Variants in SEMA3A observed in about 807,000 individuals in gnomAD.
SEMA3A encodes semaphorin 3A.
In SEMA3A, 29 loss-of-function variants were observed where a neutral mutation model predicts 97.9. The ratio of observed to expected loss-of-function variants is 0.30; its 90% CI spans 0.22 to 0.40. The LOEUF (loss-of-function observed/expected upper bound fraction) is 0.40, where lower values mean the gene tolerates loss of function less well. Ranked by LOEUF, SEMA3A falls within the 10% of genes least tolerant of loss-of-function variation. The pLI is 1.00. For missense variants in SEMA3A, 763 were observed against 951.3 expected, an observed-to-expected ratio of 0.80 and a Z score of 2.60; for synonymous variants, 321 against 323.7, an observed-to-expected ratio of 0.99 and a Z score of 0.09.
At chr7:84,000,017 T>C (rs532047567) in intron 12 of SEMA3A, among the ~76,000 whole-genome samples, 1 of 152,262 alleles carries the variant, frequency 6.6e-6, no homozygotes, top group African/African-American at 2.4e-5. Context: ...CATTTTTTCA[T>C]CAATACTAAT....
intron 3 of SEMA3A, among the ~76,000 whole-genome samples, chr7:84,269,177 G>A (rs988832637): frequency 2.0e-5 from 3 of 151,906 alleles, no homozygotes; most frequent in Non-Finnish European, 4.4e-5. Flanking sequence ...GTATTGTTTA[G>A]TAATTTTCAT....
chr7:84,135,825 G>T (rs939243828), intron 1 of SEMA3A, among the ~76,000 whole-genome samples: 2 of 151,964 alleles, frequency 1.3e-5, no homozygotes, highest in African/African-American at 4.8e-5. Flanking sequence ...CTGAGATGAG[G>T]CTTTCATGAA....
rs1298770191 is a variant in SEMA3A, at chr7:83,960,181, G to A, written c.*1190C>T. On this transcript the variant is annotated 3_prime_UTR_variant, in exon 17 of 17. Transcript: ENST00000265362. ...ATTAAGTGACACAGATATAATTCTT[G>A]GTAGAATCATAAGAGAGATCTTAGT... 6.6e-6 allele frequency: 1 copy of A among 151,946 alleles called. No individual in the cohort carries two copies. The highest frequency in any genetic ancestry group is 2.4e-5 in the African/African-American group (1 of 41,404). 9.4% of individuals were successfully genotyped at this position (151,946 alleles called of 1,614,324 possible). A position where few individuals can be genotyped will look rare whatever the true frequency, so the allele number is the denominator to read the frequency against.
At chr7:84,410,033 T>C (rs1372651523) in intron 1 of SEMA3A, among the ~76,000 whole-genome samples, 1 of 152,072 alleles carries the variant, frequency 6.6e-6, no homozygotes, top group Non-Finnish European at 1.5e-5. Flanking sequence ...TAGCATTGGT[T>C]ATAGTATAAC....
chr7:84,069,895 G>C (rs1295800856), intron 4 of SEMA3A, among the ~76,000 whole-genome samples: 1 of 152,036 alleles, frequency 6.6e-6, no homozygotes, highest in Admixed American at 6.6e-5. Context: ...TATCATGAAC[G>C]AACAGTGTTA....
chr7:84,427,127 C>A (rs1259679624), intron 1 of SEMA3A, among the ~76,000 whole-genome samples: 1 of 151,924 alleles, frequency 6.6e-6, no homozygotes, highest in African/African-American at 2.4e-5. Flanking sequence ...AAATACCATC[C>A]CTTTTCTCTA....
intron 3 of SEMA3A, among the ~76,000 whole-genome samples, chr7:84,116,833 A>G (rs1795447871): frequency 6.6e-6 from 1 of 152,134 alleles, no homozygotes; most frequent in Admixed American, 6.5e-5. Context: ...TAGAACATAA[A>G]TTTCTGCTGT....
chr7:84,050,777 C>T (rs1792593948), intron 5 of SEMA3A, among the ~76,000 whole-genome samples: 7 of 152,058 alleles, frequency 4.6e-5, no homozygotes, highest in Admixed American at 4.6e-4. Context: ...GACATGAAGT[C>T]CTTGCCCATG....
Position 83,965,637 on chromosome 7 carries a change from TATATATATATATATATATATATATATATA to T in SEMA3A, c.1718-2319_1718-2291del, listed in dbSNP as rs1788644097. On this transcript the variant is annotated intron_variant, in intron 15 of 16. Transcript: ENST00000265362. ...TAACACCAATGGGTGCATATATATA[TATATATATATATATATATATATATATATA>T]TTTTTTTTTTTTTTTTTTTTTTTTT... is the stretch of plus-strand genomic sequence containing the variant. Among the ~76,000 whole-genome samples the T allele has an allele frequency of 7.4e-4, 5 of 6,780 alleles. No homozygotes were observed. The Admixed American group carries it at 7.6e-3, about 10-fold the overall frequency. The allele number at this position is 6,780 out of a possible 152,430, so 4.4% of individuals were successfully genotyped here.
intron 3 of SEMA3A, among the ~76,000 whole-genome samples, chr7:84,227,891 CTG>C (rs771319459): frequency 6.0e-5 from 9 of 149,210 alleles, no homozygotes; most frequent in East Asian, 2.0e-4. Flanking sequence ...ATGTAAGTCT[CTG>C]TGTGTGTGTG....
intron 3 of SEMA3A, among the ~76,000 whole-genome samples, chr7:84,250,263 T>G (rs1312565556): frequency 1.3e-5 from 2 of 152,102 alleles, no homozygotes; most frequent in Non-Finnish European, 2.9e-5. Flanking sequence ...TATTTTTTTT[T>G]TTCATCTGTG....
chr7:84,135,393 G>A (rs58297542), intron 1 of SEMA3A, among the ~76,000 whole-genome samples: 10,608 of 152,072 alleles, frequency 0.07, 446 homozygotes, highest in East Asian at 0.2. Flanking sequence ...TTACAGGTGT[G>A]AGCCAGTGTG....
In SEMA3A at chr7:83,957,250, A is replaced by G. The variant is rs956140770; in HGVS notation, c.*4121T>C. On this transcript the variant is annotated 3_prime_UTR_variant, in exon 17 of 17. Transcript: ENST00000265362. ...GAAAGACTTGCTGGATTAGATGATG[A>G]TAAGTCATCTCGCTCTGTTTCCTTA... is the stretch of plus-strand genomic sequence containing the variant. 1 of 149,614 alleles carries G rather than the reference A, an allele frequency of 6.7e-6. No individual in the cohort carries two copies. The highest frequency in any genetic ancestry group is 2.5e-5 in the African/African-American group (1 of 39,542). 9.3% of individuals were successfully genotyped at this position (149,614 alleles called of 1,614,324 possible).
At position 84,281,505 on chromosome 7, in the gene SEMA3A, A is replaced by G. The variant is rs112917041; in HGVS notation, c.-83+25702T>C. ...ATTATACTTGGATAGGATTAGATAGAGATGACCCAGACTACTTTCCACAAA... is the reference window on the plus strand; with the variant it reads ...ATTATACTTGGATAGGATTAGATAGGGATGACCCAGACTACTTTCCACAAA... On this transcript the variant is annotated intron_variant, in intron 3 of 3. Transcript: ENST00000424555. Among the ~76,000 whole-genome samples the G allele has an allele frequency of 3.3e-5, 5 of 152,302 alleles. 1 individual carries two copies. The highest frequency in any genetic ancestry group is 1.2e-4 in the African/African-American group (5 of 41,596).
intron 9 of SEMA3A, among the ~76,000 whole-genome samples, chr7:84,008,486 G>A (rs1294022403): frequency 7.0e-5 from 7 of 99,764 alleles, no homozygotes; most frequent in Admixed American, 2.7e-4. Context: ...ACAAGACTCC[G>A]TCTCAAAAAA....
chr7:84,291,543 T>C (rs2115786120), intron 3 of SEMA3A, among the ~76,000 whole-genome samples: 1 of 152,208 alleles, frequency 6.6e-6, no homozygotes, highest in Middle Eastern at 3.4e-3. Flanking sequence ...GTCTCTTCCA[T>C]TAAAAAATAA....
Position 84,055,459 on chromosome 7 carries a change from C to T in SEMA3A, c.547+5006G>A, listed in dbSNP as rs907753510. 4.6e-5 allele frequency among the ~76,000 whole-genome samples: 7 copies of T among 152,050 alleles called. No individual in the cohort carries two copies. The East Asian group carries it at 9.7e-4, about 21-fold the overall frequency. ...AGGGCAGTATTCGGGTGGGAGTGAC[C>T]CGATTTTCCAGGTGCCATCCGTCAC... On this transcript the variant is annotated intron_variant, in intron 5 of 16. Transcript: ENST00000265362.
At chr7:84,315,162 A>G (rs1244857031) in intron 2 of SEMA3A, among the ~76,000 whole-genome samples, 1 of 152,170 alleles carries the variant, frequency 6.6e-6, no homozygotes, top group Non-Finnish European at 1.5e-5. Flanking sequence ...GTAGAAATTT[A>G]AAGATTATAA....
intron 4 of SEMA3A, among the ~76,000 whole-genome samples, chr7:84,107,255 G>T (rs1795138854): frequency 6.6e-6 from 1 of 151,994 alleles, no homozygotes; most frequent in Non-Finnish European, 1.5e-5. Context: ...TAAATCCAAA[G>T]GTAGTGTTTT....
Sources: allele counts gnomAD v4.1 joint callset (sites outside exome capture counted in the v4.1 genomes callset), GRCh38; gene constraint gnomAD v4.1.1; transcripts MANE v1.5; gene names NCBI Gene and HGNC (gene_info 2026-07-23, HGNC 2026-07-21).